The following DACH1 variants were observed in gnomAD, a reference collection of about 807,000 sequenced individuals.
DACH1 encodes dachshund homolog 1.
In DACH1, 12 loss-of-function variants were observed where a neutral mutation model predicts 54.2. That is an observed-to-expected ratio of 0.22 (90% confidence interval 0.14 to 0.36). The LOEUF is 0.36. Among genes scored for constraint, DACH1 ranks in the 10% least tolerant of loss-of-function variants. DACH1 has a pLI of 1.00. For synonymous variants in DACH1, 386 were observed against 366.2 expected, an observed-to-expected ratio of 1.05 and a Z score of -0.62; for missense variants, 805 against 929.8, an observed-to-expected ratio of 0.87 and a Z score of 1.75.
chr13:71,515,645 G>A (rs182235437), intron 6 of DACH1, among the ~76,000 whole-genome samples: 1 of 151,886 alleles, frequency 6.6e-6, no homozygotes, highest in Non-Finnish European at 1.5e-5. Context: ...TCAGTAAAGG[G>A]GGTAAACACC....
intron 1 of DACH1, among the ~76,000 whole-genome samples, chr13:71,761,854 T>C (rs1885413830): frequency 6.6e-6 from 1 of 152,134 alleles, no homozygotes. Flanking sequence ...ATATGTGATA[T>C]TGTCAACACT....
chr13:71,779,197 GTA>G (rs1341881947), intron 1 of DACH1, among the ~76,000 whole-genome samples: 19 of 111,874 alleles, frequency 1.7e-4, no homozygotes, highest in Admixed American at 5.9e-4. Flanking sequence ...ACGTATATAC[GTA>G]TATATGTGTA....
chr13:71,691,732 T>C (rs1881486546), intron 1 of DACH1, among the ~76,000 whole-genome samples: 1 of 152,202 alleles, frequency 6.6e-6, no homozygotes. Flanking sequence ...ATTGAACATG[T>C]CCATGTGCCT....
In DACH1 at chr13:71,732,161, T is replaced by C. The variant is rs551773904; in HGVS notation, c.849-50251A>G. 3.9e-5 allele frequency among the ~76,000 whole-genome samples: 6 copies of C among 152,308 alleles called. 1 individual carries two copies. Among genetic ancestry groups the C allele is most frequent in the Admixed American group, 3.9e-4 (6 of 15,298 alleles). On this transcript the variant is annotated intron_variant, in intron 1 of 10. Coordinates refer to ENST00000613252, the MANE Select transcript of DACH1 (RefSeq NM_080759.6). Reference sequence around the variant, plus strand: ...CAGAATATGAAAGACGACTTATTTTTTTCCTTGAATTTTTCATGAAATCTA... The same window carrying C: ...CAGAATATGAAAGACGACTTATTTTCTTCCTTGAATTTTTCATGAAATCTA...
chr13:71,776,611 T>G (rs1886075766), intron 1 of DACH1, among the ~76,000 whole-genome samples: 1 of 152,116 alleles, frequency 6.6e-6, no homozygotes, highest in Non-Finnish European at 1.5e-5. Flanking sequence ...CCTGGATCAT[T>G]TGCTTTCATT....
At chr13:71,595,659 T>A (rs1355855395) in intron 3 of DACH1, among the ~76,000 whole-genome samples, 2 of 152,108 alleles carry the variant, frequency 1.3e-5, no homozygotes, top group Non-Finnish European at 2.9e-5. Context: ...AAATATAGAT[T>A]TCTCACAATT....
rs199934701 is a variant in DACH1, at chr13:71,559,866, G to A, written c.1389C>T (p.Ser463=). 1.2e-3 allele frequency: 1,994 copies of A among 1,613,386 alleles called. 17 individuals carry two copies. In the South Asian group the frequency reaches 0.013, roughly 10 times the overall value. ...CAGTCCGAGCAGGGGAGCTGGACAC[G>A]CTGCTGCTGCGATGTGATGATGGGT... The part of the protein sequence containing the change: ...GSHPSSHRSS[S]VSSSPARTES... The change falls in exon 5 of 11, where the codon AGC becomes AGT. Residue 463 remains serine, a synonymous_variant. Transcript: ENST00000613252.
intron 10 of DACH1, among the ~76,000 whole-genome samples, chr13:71,474,324 G>C (rs2138169863): frequency 6.6e-6 from 1 of 152,104 alleles, no homozygotes; most frequent in East Asian, 1.9e-4. Flanking sequence ...AAAAATGATT[G>C]AGTTTAAAAT....
chr13:71,519,057 T>C (rs1314627069), intron 6 of DACH1, among the ~76,000 whole-genome samples: 1 of 151,812 alleles, frequency 6.6e-6, no homozygotes, highest in Non-Finnish European at 1.5e-5. Context: ...TGAGTAGTTG[T>C]GTAGACAGAA....
At chr13:71,443,366 G>A (rs1874174186) in intron 10 of DACH1, among the ~76,000 whole-genome samples, 1 of 151,862 alleles carries the variant, frequency 6.6e-6, no homozygotes, top group Admixed American at 6.6e-5. Context: ...GGCTGAGCGG[G>A]GAGGACTGCC....
chr13:71,796,521 A>C (rs1887058129), intron 1 of DACH1, among the ~76,000 whole-genome samples: 1 of 152,134 alleles, frequency 6.6e-6, no homozygotes, highest in Admixed American at 6.5e-5. Context: ...TGGTTTAATG[A>C]ATGATTTAAG....
intron 3 of DACH1, among the ~76,000 whole-genome samples, chr13:71,593,487 G>A (rs1452133573): frequency 1.3e-5 from 2 of 151,976 alleles, no homozygotes; most frequent in Non-Finnish European, 1.5e-5. Flanking sequence ...CACATTCTGG[G>A]TAATCAATAA....
chr13:71,673,566 T>A (rs1173045553), intron 2 of DACH1, among the ~76,000 whole-genome samples: 1 of 148,474 alleles, frequency 6.7e-6, no homozygotes, highest in South Asian at 2.1e-4. Flanking sequence ...TATGTTCCCA[T>A]GGACACGGGG....
chr13:71,769,718 A>G (rs1037337025), intron 1 of DACH1, among the ~76,000 whole-genome samples: 1 of 151,716 alleles, frequency 6.6e-6, no homozygotes, highest in Non-Finnish European at 1.5e-5. Flanking sequence ...TTCTCACAGC[A>G]TTCGTTATTC....
Position 71,822,256 on chromosome 13 carries a change from T to C in DACH1, c.848+43666A>G, listed in dbSNP as rs1420115939. Among the ~76,000 whole-genome samples, 5 of 152,316 alleles carry C rather than the reference T, an allele frequency of 3.3e-5. No homozygotes were observed. In the East Asian group the frequency reaches 9.6e-4, roughly 29 times the overall value. On this transcript the variant is annotated intron_variant, in intron 1 of 10. Transcript: ENST00000613252. Reference sequence around the variant, plus strand: ...ATTGAAAAGGAAATGTGATTTCCACTATATTTGTAGTGAACAGAGATACTC... The same window carrying C: ...ATTGAAAAGGAAATGTGATTTCCACCATATTTGTAGTGAACAGAGATACTC...
At chr13:71,649,349 C>T (rs144154416) in intron 2 of DACH1, among the ~76,000 whole-genome samples, 4 of 152,264 alleles carry the variant, frequency 2.6e-5, no homozygotes, top group African/African-American at 9.6e-5. Flanking sequence ...CATGAATGTA[C>T]ATGAATGGAT....
intron 3 of DACH1, among the ~76,000 whole-genome samples, chr13:71,598,821 C>T (rs371688761): frequency 6.6e-6 from 1 of 152,062 alleles, no homozygotes; most frequent in Non-Finnish European, 1.5e-5. Context: ...TCTCCCTCGG[C>T]GATGGTGAAA....
intron 1 of DACH1, among the ~76,000 whole-genome samples, chr13:71,842,066 A>C (rs567449170): frequency 6.6e-6 from 1 of 152,292 alleles, no homozygotes; most frequent in South Asian, 2.1e-4. Flanking sequence ...AAGAGTGTAG[A>C]ATTTGGAATC....
In DACH1 at chr13:71,652,460, T is replaced by C. The variant is rs78328368; in HGVS notation, c.965-21743A>G. 1.2e-3 allele frequency among the ~76,000 whole-genome samples: 190 copies of C among 152,240 alleles called. 2 individuals carry two copies. The East Asian group carries it at 0.029, about 24-fold the overall frequency. ...TCACCTACCTTTCCACATATATCAC[T>C]GACCAGTCACTGCACTCATTCCACT... On this transcript the variant is annotated intron_variant, in intron 2 of 10. Transcript: ENST00000613252.
Sources: allele counts gnomAD v4.1 joint callset (sites outside exome capture counted in the v4.1 genomes callset), GRCh38; gene constraint gnomAD v4.1.1; transcripts MANE v1.5; gene names NCBI Gene and HGNC (gene_info 2026-07-23, HGNC 2026-07-21).